Variants in CTNNA2 observed in about 807,000 individuals in gnomAD.
The protein encoded by CTNNA2 is catenin alpha-2.
CTNNA2 carries 42 observed loss-of-function variants against 101.0 expected under a neutral mutation model. That is an observed-to-expected ratio of 0.42 (90% CI 0.32 to 0.54). The LOEUF is 0.54. Among genes scored for constraint, CTNNA2 ranks in the 20% least tolerant of loss-of-function variants. The pLI is 0.14. For missense variants in CTNNA2, 871 were observed against 1,223.1 expected, an observed-to-expected ratio of 0.71 and a Z score of 4.29; for synonymous variants, 450 against 456.4, an observed-to-expected ratio of 0.99 and a Z score of 0.18.
At chr2:79,454,988 A>G (rs887030099) in intron 4 of CTNNA2, among the ~76,000 whole-genome samples, 2 of 152,164 alleles carry the variant, frequency 1.3e-5, no homozygotes, top group African/African-American at 4.8e-5. Context: ...TTACCAGTAG[A>G]CTTAACACAG....
rs1199168239 is a variant in CTNNA2 at position 80,303,704 on chromosome 2, C to A, written c.1057-89507C>A. ...CCCCTCGCACCGGCACAGCTGCGGGCACCCGCTGGGGGCGGCGGGCAGCAT... is the reference window on the plus strand; with the variant it reads ...CCCCTCGCACCGGCACAGCTGCGGGAACCCGCTGGGGGCGGCGGGCAGCAT... On this transcript the variant is annotated intron_variant, in intron 7 of 18. Transcript: ENST00000402739. This position sits in a 1 kb window ranked among gnomAD's most constrained non-coding sequence, Gnocchi z 7.7. The A allele has an allele frequency of 6.2e-7, 1 of 1,609,492 alleles. No individual in the cohort carries two copies. Among genetic ancestry groups the A allele is most frequent in the South Asian group, 1.1e-5 (1 of 90,616 alleles).
chr2:79,250,864 C>G (rs1163719100), intron 2 of CTNNA2, among the ~76,000 whole-genome samples: 1 of 152,132 alleles, frequency 6.6e-6, no homozygotes, highest in Non-Finnish European at 1.5e-5. Flanking sequence ...CGCTTGGTCC[C>G]AAAGACATTT....
At chr2:80,309,188 A>G (rs775508223) in intron 7 of CTNNA2, among the ~76,000 whole-genome samples, 9 of 152,338 alleles carry the variant, frequency 5.9e-5, no homozygotes, top group Non-Finnish European at 7.3e-5. Context: ...GGTTTTCTCT[A>G]TACTGGTGTA....
intron 3 of CTNNA2, among the ~76,000 whole-genome samples, chr2:79,796,111 G>T (rs556253672): frequency 1.3e-5 from 2 of 152,136 alleles, no homozygotes; most frequent in Non-Finnish European, 2.9e-5. Context: ...TTTATATTTT[G>T]TATGTTTTTG....
intron 1 of CTNNA2, among the ~76,000 whole-genome samples, chr2:79,559,790 G>C (rs1490536239): frequency 6.6e-6 from 1 of 151,812 alleles, no homozygotes. Flanking sequence ...TATTATAAAG[G>C]AGGTTATAAT....
chr2:79,412,251 C>G (rs1678422482), intron 4 of CTNNA2, among the ~76,000 whole-genome samples: 2 of 152,028 alleles, frequency 1.3e-5, no homozygotes, highest in African/African-American at 4.8e-5. Flanking sequence ...AAAGCAAGTC[C>G]TTAGAGACCA....
At chr2:80,030,647 C>CA (rs1325922308) in intron 7 of CTNNA2, 1 of 151,906 alleles carries the variant, frequency 6.6e-6, no homozygotes, top group Admixed American at 6.6e-5. Flanking sequence ...ACAAAGAAAT[C>CA]AAAAAAATGA....
intron 3 of CTNNA2, among the ~76,000 whole-genome samples, chr2:79,338,031 A>C (rs991654891): frequency 6.6e-6 from 1 of 152,000 alleles, no homozygotes; most frequent in Non-Finnish European, 1.5e-5. Flanking sequence ...GGATCACCTG[A>C]GGTCAGGAGT....
intron 2 of CTNNA2, among the ~76,000 whole-genome samples, chr2:79,228,076 A>G (rs1226646990): frequency 6.6e-6 from 1 of 152,238 alleles, no homozygotes; most frequent in Non-Finnish European, 1.5e-5. Flanking sequence ...TGCAAAGGGC[A>G]TGATTTTGTT....
chr2:79,461,104 A>T (rs1036350031), intron 4 of CTNNA2, among the ~76,000 whole-genome samples: 1 of 152,152 alleles, frequency 6.6e-6, no homozygotes, highest in Non-Finnish European at 1.5e-5. Flanking sequence ...AGCCTCCCAA[A>T]GTTCTGGGAT....
In CTNNA2 at chr2:80,069,116, A is replaced by G. The variant is rs75891114; in HGVS notation, c.1056+159319A>G. Among the ~76,000 whole-genome samples the G allele has an allele frequency of 6.6e-5, 10 of 152,296 alleles. No individual in the cohort carries two copies. The East Asian group carries it at 1.9e-3, about 29-fold the overall frequency. On this transcript the variant is annotated intron_variant, in intron 7 of 18. Transcript: ENST00000402739. ...GGGCAACTGAAAAGCATTAGCTCCAATGTCCAAGGGCAGAGAAGATAGATG... is the reference window on the plus strand; with the variant it reads ...GGGCAACTGAAAAGCATTAGCTCCAGTGTCCAAGGGCAGAGAAGATAGATG...
intron 5 of CTNNA2, among the ~76,000 whole-genome samples, chr2:79,506,622 T>C (rs4146912): frequency 4.9e-4 from 75 of 152,356 alleles, no homozygotes; most frequent in African/African-American, 1.7e-3. Flanking sequence ...TGGTAATCTT[T>C]GGAAAAGCTA....
chr2:79,418,022 A>G (rs964740235), intron 4 of CTNNA2, among the ~76,000 whole-genome samples: 1 of 152,078 alleles, frequency 6.6e-6, no homozygotes, highest in Non-Finnish European at 1.5e-5. Context: ...CTTGAGGGGT[A>G]GGCGGATAGG....
rs143627870 is a variant in CTNNA2 at position 80,447,779 on chromosome 2, A to G, written c.1290+28178A>G. 3.3e-5 allele frequency among the ~76,000 whole-genome samples: 5 copies of G among 151,846 alleles called. No homozygotes were observed. In the East Asian group the frequency reaches 9.7e-4, roughly 29 times the overall value. On this transcript the variant is annotated intron_variant, in intron 9 of 18. Coordinates refer to ENST00000402739, the MANE Select transcript of CTNNA2 (RefSeq NM_001282597.3). Reference sequence around the variant, plus strand: ...CATGGGTGGGAATTTTCTTTAGTTCACCCTTAGAAATCCAAATGTGCTGTT... The same window carrying G: ...CATGGGTGGGAATTTTCTTTAGTTCGCCCTTAGAAATCCAAATGTGCTGTT...
chr2:80,639,513 A>ATGTGTGTGTGTGTGTGTGTGTGTGTG (rs112045877), intron 18 of CTNNA2, among the ~76,000 whole-genome samples: 12 of 147,408 alleles, frequency 8.1e-5, no homozygotes, highest in Non-Finnish European at 1.5e-4. Context: ...CCCAGCCTTG[A>ATGTGTGTGTGTGTGTGTGTGTGTGTG]TGTGTGTGTG....
intron 7 of CTNNA2, among the ~76,000 whole-genome samples, chr2:80,159,983 A>G (rs1002087947): frequency 1.3e-5 from 2 of 151,980 alleles, no homozygotes; most frequent in African/African-American, 4.8e-5. Context: ...GCTGTGATCT[A>G]TTTTGTGTTA....
At chr2:79,463,395 CAAAAA>C (rs10546803) in intron 4 of CTNNA2, among the ~76,000 whole-genome samples, 4 of 117,800 alleles carry the variant, frequency 3.4e-5, no homozygotes, top group African/African-American at 3.2e-5. Flanking sequence ...GAGACTGTCT[CAAAAA>C]AAAAAAAAAA....
chr2:80,460,986 G>T (rs1684375746), intron 9 of CTNNA2, among the ~76,000 whole-genome samples: 1 of 152,100 alleles, frequency 6.6e-6, no homozygotes, highest in Non-Finnish European at 1.5e-5. Flanking sequence ...AACACAATTT[G>T]GGAGAAGACT....
intron 7 of CTNNA2, among the ~76,000 whole-genome samples, chr2:80,338,302 C>CTTTTTTTTT (rs551404160): frequency 7.5e-6 from 1 of 134,220 alleles, no homozygotes; most frequent in Non-Finnish European, 1.6e-5. Context: ...TTTTCTTTTT[C>CTTTTTTTTT]TTTTTTTTTT....
Sources: gnomAD v4.1 joint callset for allele counts (sites outside exome capture counted in the v4.1 genomes callset) on GRCh38, gnomAD v4.1.1 for gene constraint, Gnocchi (gnomAD v3.1) non-coding constraint, MANE v1.5 for transcripts, NCBI Gene and HGNC (gene_info 2026-07-23, HGNC 2026-07-21) for gene names.